OTOP2: variants seen among roughly 807,000 people sequenced by gnomAD.
OTOP2 encodes otopetrin 2.
OTOP2 carries 41 observed loss-of-function variants against 47.4 expected under a neutral mutation model. The ratio of observed to expected loss-of-function variants is 0.87; its 90% confidence interval spans 0.67 to 1.12. OTOP2 has a LOEUF of 1.12. Ranked by LOEUF, OTOP2 falls within the 50% of genes most tolerant of loss-of-function variation. The pLI is 0.00. For synonymous variants in OTOP2, 328 were observed against 319.6 expected (o/e 1.03, Z -0.28); for missense variants, 721 against 752.2 (o/e 0.96, Z 0.49).
chr17:74,931,584 G>T (rs114518314), intron 6 of OTOP2, among the ~76,000 whole-genome samples: 123 of 152,310 alleles, frequency 8.1e-4, no homozygotes, highest in African/African-American at 2.9e-3. Context: ...AGTGTGAGCG[G>T]TCTGTTAGCA....
At chr17:74,928,334 G>A (rs1258791853) in intron 5 of OTOP2, among the ~76,000 whole-genome samples, 3 of 150,654 alleles carry the variant, frequency 2.0e-5, no homozygotes, top group Non-Finnish European at 4.4e-5. Context: ...GACAGAGTGA[G>A]ACCCTGTTTC....
chr17:74,931,119 A>T lies in OTOP2; in HGVS notation c.1484A>T (p.Asp495Val). 6.2e-7 allele frequency: 1 copy of T among 1,608,654 alleles called. No homozygotes were observed. The highest frequency in any genetic ancestry group is 8.5e-7 in the Non-Finnish European group (1 of 1,176,692). ...RSQWRRQCLK[D>V]ISLFLLLCNV... ...CAGTGGAGACGCCAGTGCCTAAAAG[A>T]CATTTCTCTGTTTCTCCTACTCTGC... The change falls in exon 6 of 7, where the codon GAC (aspartate) becomes GTC (valine). Residue 495 changes from aspartate (D) to valine (V), a missense_variant. Coordinates refer to ENST00000331427, the MANE Select transcript of OTOP2 (RefSeq NM_178160.3).
In OTOP2 at chr17:74,933,285, G is replaced by C. The variant is rs2035835; in HGVS notation, c.1519-90G>C. ...GTCCACCAAGCTAGAAGGATGGGCC[G>C]CCATCTAGCCACGGCCCAGCAAAAC... On this transcript the variant is annotated intron_variant, in intron 6 of 6. Coordinates refer to ENST00000331427, the MANE Select transcript of OTOP2 (RefSeq NM_178160.3). This position sits in a 1 kb window ranked among gnomAD's most constrained non-coding sequence, Gnocchi z 4.7. 0.7 allele frequency: 1,026,149 copies of C among 1,466,332 alleles called. 362,315 individuals are homozygous for C. Among genetic ancestry groups the C allele is most frequent in the African/African-American group, 0.91 (65,180 of 71,764 alleles). 90.8% of individuals were successfully genotyped at this position (1,466,332 alleles called of 1,614,324 possible). A position where few individuals can be genotyped will look rare whatever the true frequency, so the allele number is the denominator to read the frequency against.
chr17:74,927,933 G>A (rs2039024670), intron 5 of OTOP2, 135 bp downstream of exon 5: 50 of 1,214,778 alleles, frequency 4.1e-5, no homozygotes, highest in Non-Finnish European at 5.5e-5. Flanking sequence ...TCCTCCTGTT[G>A]CAGGATCTAC....
chr17:74,928,464 G>A (rs1400246694), intron 5 of OTOP2, among the ~76,000 whole-genome samples: 2 of 152,222 alleles, frequency 1.3e-5, no homozygotes, highest in Non-Finnish European at 2.9e-5. Flanking sequence ...GATCAGATGG[G>A]AGAGCCCGGG....
Position 74,933,310 on chromosome 17 carries a change from C to A in OTOP2, c.1519-65C>A. The A allele has an allele frequency of 6.5e-7, 1 of 1,536,160 alleles. No homozygotes were observed. Among genetic ancestry groups the A allele is most frequent in the Non-Finnish European group, 8.8e-7 (1 of 1,131,878 alleles). On this transcript the variant is annotated intron_variant, in intron 6 of 6. Coordinates refer to ENST00000331427, the MANE Select transcript of OTOP2 (RefSeq NM_178160.3). This position sits in a 1 kb window ranked among gnomAD's most constrained non-coding sequence, Gnocchi z 4.7. ...GCCATCTAGCCACGGCCCAGCAAAA[C>A]CCACAGAAATGACCCACAGGCATCC...
In OTOP2 at chr17:74,930,278, G is replaced by A; in HGVS notation, c.644-1G>A. ...CAGCCCTGTGTCTCTCTCCACAACA[G>A]AGCATGCAGACAACCCGGTCGGAGG... On this transcript the variant is annotated splice_acceptor_variant, in intron 5 of 6. Transcript: ENST00000331427. LOFTEE classifies it high-confidence loss of function. This position sits in a 1 kb window ranked among gnomAD's most constrained non-coding sequence, Gnocchi z 4.0. The A allele has an allele frequency of 6.2e-7, 1 of 1,610,782 alleles. No homozygotes were observed. The highest frequency in any genetic ancestry group is 8.5e-7 in the Non-Finnish European group (1 of 1,177,620).
At position 74,925,497 on chromosome 17, in the gene OTOP2, AG is replaced by A. The variant is rs1567943509; in HGVS notation, c.314-57del. On this transcript the variant is annotated intron_variant, in intron 2 of 6. Transcript: ENST00000331427. ...CCTCAGGGCCTGTCCTCAGCTCGGC[AG>A]GCCTTCTCTCCTGCCTCTTTGATCC... 7 of 1,593,126 alleles carry A rather than the reference AG, an allele frequency of 4.4e-6. No homozygotes were observed. The African/African-American group carries it at 9.4e-5, about 21-fold the overall frequency.
intron 5 of OTOP2, 86 bp downstream of exon 5, chr17:74,927,884 CT>C: frequency 6.7e-7 from 1 of 1,495,108 alleles, no homozygotes; most frequent in Non-Finnish European, 9.0e-7. Flanking sequence ...CTCCTGTGCC[CT>C]CATGAGGGCA....
At position 74,927,238 on chromosome 17, in the gene OTOP2, G is replaced by C. The variant is rs1382771469; in HGVS notation, c.466G>C (p.Val156Leu). 2 of 1,613,262 alleles carry C rather than the reference G, an allele frequency of 1.2e-6. No individual in the cohort carries two copies. The highest frequency in any genetic ancestry group is 1.3e-5 in the African/African-American group (1 of 74,920). The change falls in exon 4 of 7, where the codon GTC becomes CTC. Residue 156 changes from valine (V) to leucine (L), a missense_variant. Physicochemically the swap from Val to Leu is conservative, Grantham distance 32. Coordinates refer to ENST00000331427, the MANE Select transcript of OTOP2 (RefSeq NM_178160.3). ...FVIIQTYFLW[V>L]SAKDCVHVHL... ...CTCCATACAGACCTACTTTCTCTGGGTCTCTGCTAAAGACTGCGTTCACGT... is the reference window on the plus strand; with the variant it reads ...CTCCATACAGACCTACTTTCTCTGGCTCTCTGCTAAAGACTGCGTTCACGT...
At chr17:74,925,521 T>TCCA (rs777588929) in intron 2 of OTOP2, 35 bp from the exon 3 acceptor site, 1 of 1,607,840 alleles carries the variant, frequency 6.2e-7, no homozygotes, top group African/African-American at 1.3e-5. Flanking sequence ...GCCTCTTTGA[T>TCCA]CCACCACCAC....
chr17:74,933,715 C>A lies in OTOP2; in HGVS notation c.*170C>A. ...TTTTCCAGGTTCAATTTTTAAATCA[C>A]AGTCAGGACAGGCCCATCCACCCCA... On this transcript the variant is annotated 3_prime_UTR_variant, in exon 7 of 7. Transcript: ENST00000331427. This position sits in a 1 kb window ranked among gnomAD's most constrained non-coding sequence, Gnocchi z 4.7. 1.3e-6 allele frequency: 1 copy of A among 798,310 alleles called. No individual in the cohort carries two copies. Among genetic ancestry groups the A allele is most frequent in the Non-Finnish European group, 1.9e-6 (1 of 528,866 alleles). 49.5% of individuals were successfully genotyped at this position (798,310 alleles called of 1,614,324 possible). A position where few individuals can be genotyped will look rare whatever the true frequency, so the allele number is the denominator to read the frequency against.
Position 74,930,862 on chromosome 17 carries a change from C to G in OTOP2, c.1227C>G (p.Leu409=). The change falls in exon 6 of 7, where the codon CTC becomes CTG. Residue 409 remains leucine, a synonymous_variant. Transcript: ENST00000331427. The surrounding 1 kb of genome is among the most constrained non-coding windows in gnomAD (Gnocchi z 4.0). The part of the protein sequence containing the change: ...LAGLNLTHAL[L]MIAQHTFQNM... ...GGCTCAACCTCACCCATGCACTGCTCATGATCGCCCAGCACACCTTCCAGA... is the reference window on the plus strand; with the variant it reads ...GGCTCAACCTCACCCATGCACTGCTGATGATCGCCCAGCACACCTTCCAGA... 1.2e-6 allele frequency: 2 copies of G among 1,614,122 alleles called. No homozygotes were observed. Among genetic ancestry groups the G allele is most frequent in the Middle Eastern group, 3.3e-4 (2 of 6,062 alleles).
In OTOP2 at chr17:74,930,245, G is replaced by A; in HGVS notation, c.644-34G>A. 1 of 1,584,428 alleles carries A rather than the reference G, an allele frequency of 6.3e-7. No homozygotes were observed. The highest frequency in any genetic ancestry group is 8.6e-7 in the Non-Finnish European group (1 of 1,159,822). ...GTGAGACCTCTCTAGGAAGGCAGGA[G>A]GGCTGTCCAGCCCTGTGTCTCTCTC... On this transcript the variant is annotated intron_variant, in intron 5 of 6. Coordinates refer to ENST00000331427, the MANE Select transcript of OTOP2 (RefSeq NM_178160.3). The surrounding 1 kb of genome is among the most constrained non-coding windows in gnomAD (Gnocchi z 4.0).
chr17:74,927,716 C>A lies in OTOP2; in HGVS notation c.561C>A (p.Ala187=). The change falls in exon 5 of 7, where the codon GCC becomes GCA. Residue 187 remains alanine, a synonymous_variant. Coordinates refer to ENST00000331427, the MANE Select transcript of OTOP2 (RefSeq NM_178160.3). ...CCAACCTGGCCATCTGGATGGCGGC[C>A]GTGGTGGATGAATCTGTGCACCAAT... ...LTTNLAIWMA[A]VVDESVHQSH... 6.2e-7 allele frequency: 1 copy of A among 1,614,166 alleles called. No homozygotes were observed. The highest frequency in any genetic ancestry group is 8.5e-7 in the Non-Finnish European group (1 of 1,180,014).
chr17:74,931,865 G>A (rs2039061960), intron 6 of OTOP2, among the ~76,000 whole-genome samples: 1 of 149,600 alleles, frequency 6.7e-6, no homozygotes. Context: ...TTGAGGCAAG[G>A]GAATTGTTTG....
Position 74,930,960 on chromosome 17 carries a change from C to T in OTOP2, c.1325C>T (p.Pro442Leu). 43 of 1,614,092 alleles carry T rather than the reference C, an allele frequency of 2.7e-5. No individual in the cohort carries two copies. Among genetic ancestry groups the T allele is most frequent in the Non-Finnish European group, 3.6e-5 (43 of 1,180,002 alleles). Residue 442 changes from proline to leucine, a missense_variant, in exon 6 of 7, where the codon CCC becomes CTC. Coordinates refer to ENST00000331427, the MANE Select transcript of OTOP2 (RefSeq NM_178160.3). This position sits in a 1 kb window ranked among gnomAD's most constrained non-coding sequence, Gnocchi z 4.0. Reference protein sequence around the residue: ...AEPHSTHPKEPCQDLTFTNLD... With the variant: ...AEPHSTHPKELCQDLTFTNLD... ...CCTCACAGTACCCACCCCAAGGAGC[C>T]CTGCCAAGACCTCACCTTCACCAAC...
At chr17:74,927,943 C>T (rs1242739317) in intron 5 of OTOP2, 145 bp downstream of exon 5, 2 of 1,124,142 alleles carry the variant, frequency 1.8e-6, no homozygotes, top group East Asian at 2.6e-5. Flanking sequence ...GCAGGATCTA[C>T]CTCTGCAGTA....
At chr17:74,928,443 G>A (rs946157697) in intron 5 of OTOP2, among the ~76,000 whole-genome samples, 1 of 152,182 alleles carries the variant, frequency 6.6e-6, no homozygotes, top group Non-Finnish European at 1.5e-5. Flanking sequence ...TGGTTCTGTG[G>A]TGCAAGCATG....
Sources: allele counts gnomAD v4.1 joint callset (sites outside exome capture counted in the v4.1 genomes callset), GRCh38; gene constraint gnomAD v4.1.1; non-coding constraint Gnocchi (gnomAD v3.1); transcripts MANE v1.5; gene names NCBI Gene and HGNC (gene_info 2026-07-23, HGNC 2026-07-21).